LTBP1: variants seen among roughly 807,000 people sequenced by gnomAD.
LTBP1 encodes latent transforming growth factor beta binding protein 1, also known as latent-transforming growth factor beta-binding protein 1.
A neutral mutation model predicts 207.6 loss-of-function variants in LTBP1; 129 were observed. That is an observed-to-expected ratio of 0.62 (90% CI 0.54 to 0.72). LTBP1 has a LOEUF of 0.72. Among genes scored for constraint, LTBP1 ranks in the 30% least tolerant of loss-of-function variants. The probability of loss-of-function intolerance (pLI) is 0.00; values close to 1 mark genes in which losing one functional copy is unlikely to be tolerated. For synonymous variants in LTBP1, 963 were observed against 833.7 expected (o/e 1.16, Z -2.67); for missense variants, 2,281 against 2,217.2 (o/e 1.03, Z -0.58).
intron 4 of LTBP1, among the ~76,000 whole-genome samples, chr2:33,118,972 G>A (rs2080945528): frequency 6.6e-6 from 1 of 152,138 alleles, no homozygotes. Flanking sequence ...CAGCAAAGAA[G>A]AAAAACCTTC....
At chr2:33,150,040 A>G (rs1464524812) in intron 5 of LTBP1, among the ~76,000 whole-genome samples, 4 of 152,192 alleles carry the variant, frequency 2.6e-5, no homozygotes, top group Non-Finnish European at 2.9e-5. Flanking sequence ...TATTTAACTC[A>G]TTGAAAAAAG....
intron 9 of LTBP1, among the ~76,000 whole-genome samples, chr2:33,228,489 C>T (rs754097345): frequency 1.5e-4 from 23 of 151,984 alleles, no homozygotes; most frequent in Non-Finnish European, 2.8e-4. Context: ...TGCTATCAAC[C>T]GTCTTGTTCT....
At chr2:32,995,007 C>T (rs219164) in intron 2 of LTBP1, among the ~76,000 whole-genome samples, 138,847 of 152,126 alleles carry the variant, frequency 0.91, 64,613 homozygotes, top group East Asian at 1. Flanking sequence ...CTGGACAACG[C>T]AGAGAAACCC....
chr2:33,210,735 C>T (rs2090249100), intron 7 of LTBP1, among the ~76,000 whole-genome samples: 1 of 152,292 alleles, frequency 6.6e-6, no homozygotes, highest in East Asian at 1.9e-4. Flanking sequence ...CTTCCCCTGT[C>T]TTTACCCTCC....
At chr2:32,981,804 C>G (rs1419931900) in intron 2 of LTBP1, among the ~76,000 whole-genome samples, 1 of 152,184 alleles carries the variant, frequency 6.6e-6, no homozygotes, top group Admixed American at 6.5e-5. Context: ...GGAAGTTCCT[C>G]TGCACATGCT....
chr2:33,283,858 G>A (rs2093612964), intron 19 of LTBP1, among the ~76,000 whole-genome samples: 1 of 152,156 alleles, frequency 6.6e-6, no homozygotes, highest in Non-Finnish European at 1.5e-5. Context: ...ATAAATGTTA[G>A]TGTCTTTTTT....
At chr2:33,174,178 A>G (rs1438367099) in intron 5 of LTBP1, among the ~76,000 whole-genome samples, 1 of 146,660 alleles carries the variant, frequency 6.8e-6, no homozygotes, top group East Asian at 2.0e-4. Context: ...GGAGAAGGAA[A>G]TAAAGGGTAT....
At position 33,217,669 on chromosome 2, in the gene LTBP1, C is replaced by T. The variant is rs757440804; in HGVS notation, c.1804+15C>T. On this transcript the variant is annotated intron_variant, in intron 8 of 33. Transcript: ENST00000404816. ...CAAGAAACCATGTAAGTAATGTTTCCTCACTCCTTTGCAGGTTAATGTAGC... is the reference window on the plus strand; with the variant it reads ...CAAGAAACCATGTAAGTAATGTTTCTTCACTCCTTTGCAGGTTAATGTAGC... 1 of 1,575,590 alleles carries T rather than the reference C, an allele frequency of 6.3e-7. No individual in the cohort carries two copies. The highest frequency in any genetic ancestry group is 1.1e-5 in the South Asian group (1 of 89,934).
rs2148152269 is a variant in LTBP1, at chr2:32,947,460, A to G, written c.136A>G (p.Ser46Gly). The G allele has an allele frequency of 6.9e-7, 1 of 1,443,378 alleles. No homozygotes were observed. The highest frequency in any genetic ancestry group is 1.3e-5 in the South Asian group (1 of 75,192). The allele number at this position is 1,443,378 out of a possible 1,614,324, so 89.4% of individuals were successfully genotyped here. ...PGLAAGALPL[S>G]GPPRSRTFNV... ...CCTGGCAGCCGGCGCCTTGCCCCTG[A>G]GCGGGCCCCCGCGTTCGCGGACATT... Residue 46 changes from serine (S) to glycine (G), a missense_variant, in exon 1 of 34, where the codon AGC becomes GGC. Ser to Gly is a moderately conservative substitution (Grantham distance 56). Around this residue, in one of 3 missense-constraint regions of LTBP1, gnomAD observed 555 missense variants for 491.0 expected, o/e 1.13. Transcript: ENST00000404816.
intron 19 of LTBP1, among the ~76,000 whole-genome samples, chr2:33,286,845 A>G (rs1262983300): frequency 6.6e-6 from 1 of 152,072 alleles, no homozygotes; most frequent in Admixed American, 6.6e-5. Flanking sequence ...AAAACCAAAC[A>G]CCGCATGTTC....
At chr2:33,349,995 A>T (rs1213481233) in intron 26 of LTBP1, among the ~76,000 whole-genome samples, 1 of 152,238 alleles carries the variant, frequency 6.6e-6, no homozygotes, top group Non-Finnish European at 1.5e-5. Context: ...AGGGCAAGAA[A>T]ACATCAGTTA....
At chr2:33,327,327 C>A (rs116675604) in intron 24 of LTBP1, among the ~76,000 whole-genome samples, 2,757 of 152,248 alleles carry the variant, frequency 0.018, 89 homozygotes, top group African/African-American at 0.063. Context: ...AGAATTATTA[C>A]TAGGATTGCA....
In LTBP1 at chr2:32,947,555, C is replaced by T. The variant is rs1676369237; in HGVS notation, c.231C>T (p.Pro77=). 9 of 1,366,626 alleles carry T rather than the reference C, an allele frequency of 6.6e-6. No homozygotes were observed. Among genetic ancestry groups the T allele is most frequent in the Non-Finnish European group, 8.5e-6 (9 of 1,062,314 alleles). The allele number at this position is 1,366,626 out of a possible 1,614,324, so 84.7% of individuals were successfully genotyped here. A position where few individuals can be genotyped will look rare whatever the true frequency, so the allele number is the denominator to read the frequency against. ...CCGGCGCCCCCAGCCGTGCCTCCCC[C>T]GGGGTCCCCTCGGAGAGGACCCGGC... ...AAAGAPSRAS[P]GVPSERTRRT... The change falls in exon 1 of 34, where the codon CCC becomes CCT. Residue 77 remains proline (P), a synonymous_variant. Transcript: ENST00000404816.
At chr2:33,186,332 C>A (rs567093416) in intron 5 of LTBP1, among the ~76,000 whole-genome samples, 7 of 152,122 alleles carry the variant, frequency 4.6e-5, no homozygotes, top group Admixed American at 1.3e-4. Context: ...TACAGGCATG[C>A]AATGCGTAAT....
chr2:33,057,950 G>A (rs908948681), intron 3 of LTBP1, among the ~76,000 whole-genome samples: 1 of 152,378 alleles, frequency 6.6e-6, no homozygotes, highest in Non-Finnish European at 1.5e-5. Flanking sequence ...CGCCAAGAGC[G>A]AGCGAGGGCT....
chr2:33,257,132 C>T (rs2092885093), intron 11 of LTBP1, 152 bp from the exon 12 acceptor site: 4 of 606,348 alleles, frequency 6.6e-6, no homozygotes, highest in Admixed American at 6.5e-5. Context: ...GAAATTCGAG[C>T]AATTTGCTTA....
intron 26 of LTBP1, among the ~76,000 whole-genome samples, chr2:33,354,344 A>G (rs2094825342): frequency 6.6e-6 from 1 of 152,184 alleles, no homozygotes; most frequent in Admixed American, 6.5e-5. Flanking sequence ...AAAAAATATT[A>G]AAGAAAGTAA....
intron 25 of LTBP1, among the ~76,000 whole-genome samples, chr2:33,345,051 G>A (rs1485918506): frequency 6.6e-6 from 1 of 152,136 alleles, no homozygotes; most frequent in Admixed American, 6.5e-5. Flanking sequence ...TTTTATTTGT[G>A]TTTGTATTTA....
At chr2:33,249,725 A>G (rs2092627592) in intron 10 of LTBP1, among the ~76,000 whole-genome samples, 1 of 152,162 alleles carries the variant, frequency 6.6e-6, no homozygotes, top group Admixed American at 6.5e-5. Flanking sequence ...TTCCTTTTAG[A>G]TAAAGTATCA....
Sources: gnomAD v4.1 joint callset for allele counts (sites outside exome capture counted in the v4.1 genomes callset) on GRCh38, gnomAD v4.1.1 for gene constraint, gnomAD v4.1.1 regional missense constraint, MANE v1.5 for transcripts, NCBI Gene and HGNC (gene_info 2026-07-23, HGNC 2026-07-21) for gene names.